Variants in FOXP2 observed in about 807,000 individuals in gnomAD.
FOXP2 encodes forkhead box P2.
In FOXP2, 12 loss-of-function variants were observed where a neutral mutation model predicts 115.8. That is an observed-to-expected ratio of 0.10 (90% CI 0.07 to 0.17). The LOEUF (loss-of-function observed/expected upper bound fraction) is 0.17, where lower values mean the gene tolerates loss of function less well. Ranked by LOEUF, FOXP2 falls within the 10% of genes least tolerant of loss-of-function variation. The pLI is 1.00. For missense variants in FOXP2, 629 were observed against 843.5 expected (o/e 0.75, Z 3.15); for synonymous variants, 328 against 297.7 (o/e 1.10, Z -1.05).
intron 2 of FOXP2, among the ~76,000 whole-genome samples, chr7:114,462,559 A>G (rs1021386455): frequency 1.3e-5 from 2 of 151,670 alleles, no homozygotes; most frequent in Non-Finnish European, 2.9e-5. Context: ...TTGAGTAGAG[A>G]CGGGGTTTGG....
chr7:114,653,410 AGCG>A, intron 9 of FOXP2: 40 of 179,700 alleles, frequency 2.2e-4, no homozygotes, highest in South Asian at 1.3e-3. Flanking sequence ...GGCAGAGTTC[AGCG>A]TTTCACACTG....
chr7:114,098,846 CAT>C (rs1209387642), intron 1 of FOXP2, among the ~76,000 whole-genome samples: 6 of 152,164 alleles, frequency 3.9e-5, no homozygotes, highest in African/African-American at 1.4e-4. Flanking sequence ...TAAAAGAACT[CAT>C]ATAACTAGGC....
chr7:114,486,342 G>A (rs187209527), intron 2 of FOXP2, among the ~76,000 whole-genome samples: 3 of 152,124 alleles, frequency 2.0e-5, no homozygotes, highest in Non-Finnish European at 2.9e-5. Context: ...ATTACAAGAA[G>A]AGGATGGGAA....
chr7:114,273,164 T>C (rs1409218506), intron 1 of FOXP2, among the ~76,000 whole-genome samples: 1 of 152,030 alleles, frequency 6.6e-6, no homozygotes, highest in East Asian at 1.9e-4. Flanking sequence ...GTTCAGAATG[T>C]TATTAAATTT....
intron 1 of FOXP2, among the ~76,000 whole-genome samples, chr7:114,178,946 T>G (rs1377194946): frequency 6.6e-6 from 1 of 151,938 alleles, no homozygotes; most frequent in Non-Finnish European, 1.5e-5. Context: ...AACAAATGTA[T>G]TTTGAATGAA....
At chr7:114,099,333 A>G (rs551726593) in intron 1 of FOXP2, among the ~76,000 whole-genome samples, 1 of 152,312 alleles carries the variant, frequency 6.6e-6, no homozygotes, top group East Asian at 1.9e-4. Flanking sequence ...GTATCATCTC[A>G]CACCTGTTAG....
chr7:114,103,693 T>G (rs990345622), intron 1 of FOXP2, among the ~76,000 whole-genome samples: 1 of 152,066 alleles, frequency 6.6e-6, no homozygotes, highest in Non-Finnish European at 1.5e-5. Flanking sequence ...AATATGTATC[T>G]CTTTTTGACA....
At chr7:114,526,865 T>C (rs1798901884) in intron 2 of FOXP2, among the ~76,000 whole-genome samples, 1 of 152,164 alleles carries the variant, frequency 6.6e-6, no homozygotes, top group Admixed American at 6.6e-5. Context: ...GCATATTCAC[T>C]AGGTTGTTCA....
chr7:114,101,896 A>ATT lies in FOXP2; in HGVS notation c.-247+14061_-247+14062dup, dbSNP rs200056748. 2.8e-3 allele frequency among the ~76,000 whole-genome samples: 263 copies of ATT among 94,284 alleles called. 3 individuals are homozygous for ATT. Among genetic ancestry groups the ATT allele is most frequent in the African/African-American group, 9.8e-3 (253 of 25,922 alleles). The allele number at this position is 94,284 out of a possible 152,430, so 61.9% of individuals were successfully genotyped here. On this transcript the variant is annotated intron_variant, in intron 1 of 19. Transcript: ENST00000635638. ...ATTTGATTTTCCATTTCGCTTCAACATTTTGTGTGTGTGTGTGTGTGTGTG... is the reference window on the plus strand; with the variant it reads ...ATTTGATTTTCCATTTCGCTTCAACATTTTTTGTGTGTGTGTGTGTGTGTGTG...
intron 3 of FOXP2, among the ~76,000 whole-genome samples, chr7:114,595,084 AC>A (rs1233493103): frequency 6.6e-6 from 1 of 152,078 alleles, no homozygotes. Context: ...CTTTGAGGAA[AC>A]ATTCTTAATA....
intron 3 of FOXP2, among the ~76,000 whole-genome samples, chr7:114,571,279 T>G (rs1293485663): frequency 6.6e-6 from 1 of 151,912 alleles, no homozygotes; most frequent in Non-Finnish European, 1.5e-5. Context: ...CTTCAAGTTG[T>G]CATATAAATA....
At chr7:114,169,227 A>G (rs1159881274) in intron 1 of FOXP2, among the ~76,000 whole-genome samples, 1 of 152,158 alleles carries the variant, frequency 6.6e-6, no homozygotes, top group African/African-American at 2.4e-5. Context: ...AGCTTGCACC[A>G]TGTGCCTGGA....
intron 2 of FOXP2, among the ~76,000 whole-genome samples, chr7:114,459,942 G>T (rs1795489823): frequency 6.6e-6 from 1 of 152,074 alleles, no homozygotes; most frequent in Non-Finnish European, 1.5e-5. Flanking sequence ...AAAAACCATT[G>T]CTTAGAAGCC....
chr7:114,155,535 G>A (rs2129149484), intron 1 of FOXP2, among the ~76,000 whole-genome samples: 1 of 152,246 alleles, frequency 6.6e-6, no homozygotes, highest in Non-Finnish European at 1.5e-5. Flanking sequence ...ATTCTACAGG[G>A]AATCCCTTTT....
Position 114,592,758 on chromosome 7 carries a change from T to G in FOXP2, c.259-35782T>G, listed in dbSNP as rs527440767. On this transcript the variant is annotated intron_variant, in intron 3 of 16. Coordinates refer to ENST00000350908, the MANE Select transcript of FOXP2 (RefSeq NM_014491.4). ...TAATATATCTAAGAAGATGAAATAA[T>G]TCAGCATTCAATTATGTTTAAAATT... Among the ~76,000 whole-genome samples, 5 of 152,130 alleles carry G rather than the reference T, an allele frequency of 3.3e-5. No homozygotes were observed. The South Asian group carries it at 1.0e-3, about 32-fold the overall frequency.
intron 2 of FOXP2, among the ~76,000 whole-genome samples, chr7:114,462,458 G>A (rs1483011393): frequency 1.2e-4 from 15 of 125,806 alleles, no homozygotes; most frequent in Non-Finnish European, 2.1e-4. Flanking sequence ...TGCAACCTCC[G>A]CCTCCCGAGT....
intron 1 of FOXP2, among the ~76,000 whole-genome samples, chr7:114,285,094 G>T (rs1796434245): frequency 6.6e-6 from 1 of 152,100 alleles, no homozygotes; most frequent in Non-Finnish European, 1.5e-5. Context: ...CTCAATACCT[G>T]CATGACAAAA....
chr7:114,687,684 A>C (rs982274725), intron 16 of FOXP2, among the ~76,000 whole-genome samples: 5 of 152,186 alleles, frequency 3.3e-5, no homozygotes, highest in African/African-American at 1.2e-4. Flanking sequence ...TTTTAAGTAC[A>C]TATCTCTAGG....
At chr7:114,353,141 A>G (rs547531650) in intron 2 of FOXP2, among the ~76,000 whole-genome samples, 18 of 152,222 alleles carry the variant, frequency 1.2e-4, no homozygotes, top group Non-Finnish European at 2.5e-4. Flanking sequence ...ACTTTTTCCT[A>G]TCATGGCATG....
Sources: gnomAD v4.1 joint callset for allele counts (sites outside exome capture counted in the v4.1 genomes callset) on GRCh38, gnomAD v4.1.1 for gene constraint, MANE v1.5 for transcripts, NCBI Gene and HGNC (gene_info 2026-07-23, HGNC 2026-07-21) for gene names.